The following FER1L6 variants were observed in gnomAD, a reference collection of about 807,000 sequenced individuals.
FER1L6 encodes the protein fer-1-like protein 6.
Under a neutral mutation model 219.2 loss-of-function variants are expected in FER1L6, and 177 were observed. That is an observed-to-expected ratio of 0.81 (90% CI 0.71 to 0.91). The LOEUF is 0.91. Among genes scored for constraint, FER1L6 ranks in the 40% least tolerant of loss-of-function variants. FER1L6 has a pLI of 0.00. For missense variants in FER1L6, 2,153 were observed against 2,259.9 expected (o/e 0.95, Z 0.96); for synonymous variants, 768 against 824.3 (o/e 0.93, Z 1.17).
intron 21 of FER1L6, 169 bp downstream of exon 21, chr8:124,046,070 A>G: frequency 1.6e-6 from 1 of 621,182 alleles, no homozygotes; most frequent in Non-Finnish European, 2.6e-6. Flanking sequence ...AACCAAAAAG[A>G]TTGGTGATGA....
Position 124,045,908 on chromosome 8 carries a change from G to T in FER1L6, c.2724+7G>T. 1 of 1,613,520 alleles carries T rather than the reference G, an allele frequency of 6.2e-7. No individual in the cohort carries two copies. ...GTATGACAGCGACGCTGTGGTGAGT[G>T]TCCCCCTGGGCCAGTGCTGACCACA... is the stretch of plus-strand genomic sequence containing the variant. On this transcript the variant is annotated splice_region_variant and intron_variant, in intron 21 of 40. Transcript: ENST00000522917.
intron 31 of FER1L6, among the ~76,000 whole-genome samples, chr8:124,073,058 T>G (rs1821143236): frequency 2.7e-5 from 1 of 37,328 alleles, no homozygotes; most frequent in Admixed American, 1.7e-4. Context: ...GCCTCATACC[T>G]TTTTTCCCCT....
rs954857018 is a variant in FER1L6, at chr8:124,119,666, T to C, written c.5450T>C (p.Ile1817Thr). 1 of 1,613,750 alleles carries C rather than the reference T, an allele frequency of 6.2e-7. No individual in the cohort carries two copies. Among genetic ancestry groups the C allele is most frequent in the Non-Finnish European group, 8.5e-7 (1 of 1,179,660 alleles). The change falls in exon 41 of 41, where the codon ATC (isoleucine) becomes ACC (threonine). Residue 1817 changes from isoleucine (I) to threonine (T), a missense_variant. Transcript: ENST00000522917. ...CCCTTTAAGTGCCTGTACTACCTCA[T>C]CTGGAAGAATTACAAAAAGTACATC... Reference protein sequence around the residue: ...MSPFKCLYYLIWKNYKKYIII... With the variant: ...MSPFKCLYYLTWKNYKKYIII...
Position 123,955,383 on chromosome 8 carries a change from G to C in FER1L6, c.-7-609G>C, listed in dbSNP as rs559841947. 3.9e-4 allele frequency among the ~76,000 whole-genome samples: 59 copies of C among 152,334 alleles called. 1 individual carries two copies. The highest frequency in any genetic ancestry group is 6.8e-3 in the Middle Eastern group (2 of 294). On this transcript the variant is annotated intron_variant, in intron 1 of 40. Transcript: ENST00000522917. ...GCATGTGTCATGTGCCAGCTGAGCT[G>C]TGCGCTTATGGTGAGACCTCAGTAA...
intron 1 of FER1L6, among the ~76,000 whole-genome samples, chr8:123,948,771 C>T (rs1251011082): frequency 6.8e-6 from 1 of 146,282 alleles, no homozygotes; most frequent in Non-Finnish European, 1.5e-5. Context: ...AAATAGCAGG[C>T]ATCTTGTCTT....
rs186641967 is a variant in FER1L6, at chr8:123,872,010, G to C, written c.-8+19825G>C. On this transcript the variant is annotated intron_variant, in intron 1 of 40. Coordinates refer to ENST00000522917, the MANE Select transcript of FER1L6 (RefSeq NM_001039112.2). ...AGAGGTTTAATTGGCTGTACAGGAA[G>C]TATAACACAGGTATTTGCTTCTGGA... Among the ~76,000 whole-genome samples the C allele has an allele frequency of 3.3e-5, 5 of 152,286 alleles. No homozygotes were observed. In the East Asian group the frequency reaches 9.6e-4, roughly 29 times the overall value.
At chr8:124,012,585 T>C (rs1405693680) in intron 14 of FER1L6, among the ~76,000 whole-genome samples, 1 of 152,182 alleles carries the variant, frequency 6.6e-6, no homozygotes, top group African/African-American at 2.4e-5. Flanking sequence ...TGTAGGTGGG[T>C]TCTGTTATTA....
chr8:123,921,927 A>G (rs565446046), intron 1 of FER1L6, among the ~76,000 whole-genome samples: 1 of 152,192 alleles, frequency 6.6e-6, no homozygotes, highest in African/African-American at 2.4e-5. Flanking sequence ...GGGCAAGTTC[A>G]TTCATCTGTT....
chr8:123,945,165 G>T (rs137967939), intron 1 of FER1L6, among the ~76,000 whole-genome samples: 1 of 152,274 alleles, frequency 6.6e-6, no homozygotes, highest in East Asian at 1.9e-4. Flanking sequence ...GTGTTTCCAA[G>T]TTGAGACTGA....
chr8:123,871,678 G>A (rs923926776), intron 1 of FER1L6, among the ~76,000 whole-genome samples: 5 of 152,174 alleles, frequency 3.3e-5, no homozygotes, highest in Non-Finnish European at 7.3e-5. Flanking sequence ...GATACCTCAA[G>A]GAGGTAAAGC....
intron 1 of FER1L6, chr8:123,924,740 A>G (rs1287479964): frequency 6.6e-6 from 1 of 152,102 alleles, no homozygotes; most frequent in Non-Finnish European, 1.5e-5. Flanking sequence ...GAGAATTGAG[A>G]AAAAAACCCA....
intron 1 of FER1L6, among the ~76,000 whole-genome samples, chr8:123,914,281 G>A (rs1382856685): frequency 6.6e-6 from 1 of 152,138 alleles, no homozygotes; most frequent in African/African-American, 2.4e-5. Flanking sequence ...ACATGAGATG[G>A]TCTTATGGTC....
Position 124,076,285 on chromosome 8 carries a change from G to T in FER1L6, c.4180G>T (p.Asp1394Tyr), listed in dbSNP as rs2130890575. Residue 1394 changes from aspartate to tyrosine, a missense_variant, in exon 32 of 41, where the codon GAT (aspartate) becomes TAT (tyrosine). Asp to Tyr is a radical substitution (Grantham distance 160, BLOSUM62 -3). Coordinates refer to ENST00000522917, the MANE Select transcript of FER1L6 (RefSeq NM_001039112.2). ...TGGCAAGACAGAAATCAAAGACCGG[G>T]ATAAATACATCCCTAAACAACTGAA... Reference protein sequence around the residue: ...KLGKTEIKDRDKYIPKQLNPV... With the variant: ...KLGKTEIKDRYKYIPKQLNPV... 1 of 1,613,944 alleles carries T rather than the reference G, an allele frequency of 6.2e-7. No individual in the cohort carries two copies. Among genetic ancestry groups the T allele is most frequent in the Middle Eastern group, 1.6e-4 (1 of 6,062 alleles).
chr8:124,015,605 A>G (rs1339667327), intron 15 of FER1L6, among the ~76,000 whole-genome samples: 1 of 116,672 alleles, frequency 8.6e-6, no homozygotes, highest in African/African-American at 3.6e-5. Context: ...ATATATATAT[A>G]TATATATATA....
chr8:123,960,701 T>C (rs898115025), intron 2 of FER1L6, among the ~76,000 whole-genome samples: 1 of 151,708 alleles, frequency 6.6e-6, no homozygotes, highest in South Asian at 2.1e-4. Context: ...CATGGTCACA[T>C]TGCCACCTTT....
Position 124,013,445 on chromosome 8 carries a change from A to G in FER1L6, c.1836A>G (p.Glu612=), listed in dbSNP as rs1818034350. The change falls in exon 15 of 41, where the codon GAA becomes GAG. Residue 612 remains glutamate (E), a synonymous_variant. Transcript: ENST00000522917. The stretch of plus-strand genomic sequence containing the variant: ...TTTGTTTTCAGGAAGAAAGTATAGA[A>G]GAAGTGAGAGAATTGATCAAGATTT... The part of the protein sequence containing the change: ...KMADFLEESI[E]EVRELIKISQ... The G allele has an allele frequency of 1.9e-6, 3 of 1,607,890 alleles. No homozygotes were observed. Among genetic ancestry groups the G allele is most frequent in the Non-Finnish European group, 2.5e-6 (3 of 1,177,996 alleles).
chr8:123,981,597 A>G (rs1191030998), intron 11 of FER1L6, among the ~76,000 whole-genome samples: 2 of 152,130 alleles, frequency 1.3e-5, no homozygotes, highest in East Asian at 3.9e-4. Flanking sequence ...GTTCATTTCT[A>G]GGAGAGACTG....
At chr8:124,019,924 A>AAC (rs1482177882) in intron 16 of FER1L6, among the ~76,000 whole-genome samples, 1 of 152,232 alleles carries the variant, frequency 6.6e-6, no homozygotes, top group East Asian at 1.9e-4. Context: ...CCAGCCATGT[A>AAC]GAGTCTAGGA....
intron 1 of FER1L6, among the ~76,000 whole-genome samples, chr8:123,891,814 G>A (rs1169039672): frequency 1.3e-5 from 2 of 152,174 alleles, no homozygotes; most frequent in African/African-American, 4.8e-5. Flanking sequence ...CTGCTTTTGT[G>A]AGACACAGGG....
Sources: gnomAD v4.1 joint callset for allele counts (sites outside exome capture counted in the v4.1 genomes callset) on GRCh38, gnomAD v4.1.1 for gene constraint, MANE v1.5 for transcripts, NCBI Gene and HGNC (gene_info 2026-07-23, HGNC 2026-07-21) for gene names.